ADGRE1: variants seen among roughly 807,000 people sequenced by gnomAD.
ADGRE1 encodes the protein adhesion G protein-coupled receptor E1.
Under a neutral mutation model 102.7 loss-of-function variants are expected in ADGRE1, and 82 were observed. The observed-to-expected ratio is 0.80, with a 90% CI of 0.67 to 0.96. The LOEUF (loss-of-function observed/expected upper bound fraction) is 0.96. ADGRE1 is among the 40% of genes least tolerant of loss of function. The pLI is 0.00. For synonymous variants in ADGRE1, 398 were observed against 399.6 expected, an observed-to-expected ratio of 1.00 and a Z score of 0.05; for missense variants, 1,032 against 1,085.3, an observed-to-expected ratio of 0.95 and a Z score of 0.69.
rs748122081 is a variant in ADGRE1 at position 6,906,528 on chromosome 19, A to AT, written c.1038+13dup. The AT allele has an allele frequency of 1.7e-4, 275 of 1,611,466 alleles. No homozygotes were observed. The highest frequency in any genetic ancestry group is 1.9e-4 in the Non-Finnish European group (226 of 1,178,600). On this transcript the variant is annotated splice_region_variant and intron_variant, in intron 9 of 20. Transcript: ENST00000312053. ...CGCAGTGAAACCTGCATATGCAAGT[A>AT]TTTTTTAAGGTTCCTAGTTTTTGAG... is the stretch of plus-strand genomic sequence containing the variant.
chr19:6,921,375 C>T, intron 13 of ADGRE1, among the ~76,000 whole-genome samples: 2 of 152,114 alleles, frequency 1.3e-5, no homozygotes, highest in Non-Finnish European at 2.9e-5. Context: ...CGAGCCGAGA[C>T]TGCACCACTG....
intron 5 of ADGRE1, among the ~76,000 whole-genome samples, chr19:6,900,079 G>A (rs1471262573): frequency 2.1e-5 from 3 of 145,798 alleles, no homozygotes; most frequent in African/African-American, 2.7e-5. Context: ...GGGTGACAGA[G>A]CGAGACTCCA....
At chr19:6,897,088 TTTG>T in intron 3 of ADGRE1, 58 bp from the exon 4 acceptor site, 29 of 1,267,146 alleles carry the variant, frequency 2.3e-5, no homozygotes, top group South Asian at 9.3e-5. Flanking sequence ...TTTTTTTTTT[TTTG>T]CAAAATACAG....
intron 13 of ADGRE1, among the ~76,000 whole-genome samples, chr19:6,920,409 C>T (rs529561948): frequency 2.7e-5 from 4 of 150,230 alleles, no homozygotes; most frequent in East Asian, 2.0e-4. Context: ...TTAGTGCAGA[C>T]GGGGTTTCAC....
In ADGRE1 at chr19:6,887,590, A is replaced by G. The variant is rs1459344888; in HGVS notation, c.-19A>G. The G allele has an allele frequency of 1.2e-6, 2 of 1,611,666 alleles. No homozygotes were observed. The highest frequency in any genetic ancestry group is 1.7e-6 in the Non-Finnish European group (2 of 1,179,072). ...TAGTAGAAAAGTTTCTTTTCTTTGA[A>G]TGACAGAACTACAGCATAATGCGTG... On this transcript the variant is annotated 5_prime_UTR_variant, in exon 1 of 21. The change abolishes an upstream ATG in the 5' untranslated region. Transcript: ENST00000312053.
Position 6,936,631 on chromosome 19 carries a change from T to TA in ADGRE1, c.2382-612_2382-611insA, listed in dbSNP as rs930689562. 2.4e-4 allele frequency among the ~76,000 whole-genome samples: 37 copies of TA among 151,124 alleles called. No homozygotes were observed. In the East Asian group the frequency reaches 2.9e-3, roughly 12 times the overall value. ...CTATCTAGTGGCAAATCCTTGTTTTTTTTTTTTTTTTGAGACAGAGTCTCT... is the reference window on the plus strand; with the variant it reads ...CTATCTAGTGGCAAATCCTTGTTTTTATTTTTTTTTTTGAGACAGAGTCTCT... On this transcript the variant is annotated intron_variant, in intron 18 of 20. Coordinates refer to ENST00000312053, the MANE Select transcript of ADGRE1 (RefSeq NM_001974.5).
chr19:6,887,679 A>C (rs768818934), intron 1 of ADGRE1, 40 bp downstream of exon 1: 1 of 1,598,454 alleles, frequency 6.3e-7, no homozygotes, highest in Non-Finnish European at 8.5e-7. Context: ...GGAGGCCTGG[A>C]TTGGAAATAG....
intron 2 of ADGRE1, chr19:6,895,593 A>G (rs1973519820): frequency 6.6e-6 from 1 of 152,118 alleles, no homozygotes. Flanking sequence ...CCTTCCCCAG[A>G]CCTGCTGAAT....
chr19:6,923,263 A>G (rs1974747879), intron 14 of ADGRE1, among the ~76,000 whole-genome samples: 1 of 152,190 alleles, frequency 6.6e-6, no homozygotes, highest in African/African-American at 2.4e-5. Flanking sequence ...TTCTTGGAAA[A>G]GTCACTTAAC....
intron 12 of ADGRE1, among the ~76,000 whole-genome samples, 171 bp downstream of exon 12, chr19:6,916,539 A>G (rs982841865): frequency 2.0e-5 from 3 of 148,302 alleles, no homozygotes; most frequent in Non-Finnish European, 3.1e-5. Flanking sequence ...AACATTAAAT[A>G]ACCTTATAAT....
At chr19:6,894,343 C>T (rs1490644425) in intron 2 of ADGRE1, among the ~76,000 whole-genome samples, 1 of 152,046 alleles carries the variant, frequency 6.6e-6, no homozygotes, top group Non-Finnish European at 1.5e-5. Flanking sequence ...GTGAAGGTGG[C>T]CATGAAGGAG....
At chr19:6,919,442 CTGTGTGTGTGTGTG>C (rs149877096) in intron 12 of ADGRE1, 92 bp from the exon 13 acceptor site, 21 of 448,572 alleles carry the variant, frequency 4.7e-5, no homozygotes, top group Middle Eastern at 6.4e-4. Context: ...CTCCCTCCCT[CTGTGTGTGTGTGTG>C]TGTGTGTGTG....
At chr19:6,913,986 A>G (rs1335151778) in intron 11 of ADGRE1, among the ~76,000 whole-genome samples, 156 bp downstream of exon 11, 1 of 152,238 alleles carries the variant, frequency 6.6e-6, no homozygotes, top group Non-Finnish European at 1.5e-5. Context: ...TATTAACAAC[A>G]TTTTCCATTC....
intron 5 of ADGRE1, among the ~76,000 whole-genome samples, chr19:6,899,033 T>A (rs73920235): frequency 6.6e-6 from 1 of 152,188 alleles, no homozygotes; most frequent in Non-Finnish European, 1.5e-5. Flanking sequence ...TGCTCGCTAC[T>A]TGCTTTGTGA....
chr19:6,937,465 T>G, intron 19 of ADGRE1, 54 bp downstream of exon 19: 2 of 1,255,636 alleles, frequency 1.6e-6, no homozygotes, highest in Non-Finnish European at 2.2e-6. Context: ...TCTCCCCCCT[T>G]CCCCACCGCA....
chr19:6,929,890 C>T (rs1975071502), intron 17 of ADGRE1, among the ~76,000 whole-genome samples: 1 of 152,174 alleles, frequency 6.6e-6, no homozygotes, highest in Non-Finnish European at 1.5e-5. Flanking sequence ...GTTAATCCAC[C>T]TGCCTCAGCC....
intron 2 of ADGRE1, among the ~76,000 whole-genome samples, chr19:6,891,900 G>A (rs1252715213): frequency 4.6e-5 from 7 of 152,058 alleles, no homozygotes; most frequent in Admixed American, 2.6e-4. Flanking sequence ...TGGCCAGAAC[G>A]GTGGGTGCAA....
intron 15 of ADGRE1, among the ~76,000 whole-genome samples, 172 bp from the exon 16 acceptor site, chr19:6,926,194 G>A (rs1974898462): frequency 1.3e-5 from 2 of 152,154 alleles, no homozygotes; most frequent in Non-Finnish European, 2.9e-5. Context: ...TCCTTACCAA[G>A]AAGTGCTCCT....
intron 1 of ADGRE1, among the ~76,000 whole-genome samples, chr19:6,889,874 A>G (rs1378089804): frequency 2.0e-5 from 3 of 152,022 alleles, no homozygotes; most frequent in Non-Finnish European, 4.4e-5. Context: ...CTTAGAGGAT[A>G]TATCACCCCT....
Sources: allele counts gnomAD v4.1 joint callset (sites outside exome capture counted in the v4.1 genomes callset), GRCh38; gene constraint gnomAD v4.1.1; transcripts MANE v1.5; gene names NCBI Gene and HGNC (gene_info 2026-07-23, HGNC 2026-07-21).